ZBTB20: variants seen among roughly 807,000 people sequenced by gnomAD.
ZBTB20 encodes the protein zinc finger and BTB domain containing 20, also known as zinc finger and BTB domain-containing protein 20.
A neutral mutation model predicts 56.9 loss-of-function variants in ZBTB20; 9 were observed. That is an observed-to-expected ratio of 0.16 (90% CI 0.10 to 0.28). The LOEUF is 0.28. Among genes scored for constraint, ZBTB20 ranks in the 10% least tolerant of loss-of-function variants. The probability of loss-of-function intolerance (pLI) is 1.00; values close to 1 mark genes in which losing one functional copy is unlikely to be tolerated. For missense variants in ZBTB20, 655 were observed against 1,003.0 expected, an observed-to-expected ratio of 0.65 and a Z score of 4.69; for synonymous variants, 417 against 420.7, an observed-to-expected ratio of 0.99 and a Z score of 0.11.
chr3:115,112,763 T>TG (rs1576796685), intron 1 of ZBTB20, among the ~76,000 whole-genome samples: 1 of 152,202 alleles, frequency 6.6e-6, no homozygotes, highest in East Asian at 1.9e-4. Flanking sequence ...GCAATAAACA[T>TG]GGGAGTGCGG....
intron 6 of ZBTB20, among the ~76,000 whole-genome samples, chr3:114,623,372 G>A (rs1023796955): frequency 7.9e-5 from 12 of 152,056 alleles, no homozygotes; most frequent in African/African-American, 2.9e-4. Flanking sequence ...TTAAATTGAG[G>A]ACAATACTAT....
intron 6 of ZBTB20, among the ~76,000 whole-genome samples, 180 bp downstream of exon 6, chr3:114,693,348 G>A (rs2062809394): frequency 1.3e-5 from 2 of 152,210 alleles, no homozygotes; most frequent in South Asian, 4.1e-4. Context: ...GGATATTAAA[G>A]ATCTGTCCTT....
rs138163394 is a variant in ZBTB20 at position 115,125,033 on chromosome 3, TA to T, written c.-703+22185del. 1.8e-4 allele frequency among the ~76,000 whole-genome samples: 27 copies of T among 147,984 alleles called. 1 individual carries two copies. Among genetic ancestry groups the T allele is most frequent in the African/African-American group, 5.7e-4 (23 of 40,328 alleles). ...GTACCCCTGAACTTAAAGTTTTTTT[TA>T]AAAAAAAAAGGAAAATGTGATATAC... is the stretch of plus-strand genomic sequence containing the variant. On this transcript the variant is annotated intron_variant, in intron 1 of 11. Transcript: ENST00000675478.
intron 6 of ZBTB20, among the ~76,000 whole-genome samples, chr3:114,558,399 C>T (rs1320756143): frequency 6.6e-6 from 1 of 152,030 alleles, no homozygotes; most frequent in Non-Finnish European, 1.5e-5. Context: ...CTGGACTGTA[C>T]TCACAATTCC....
chr3:114,447,301 A>G lies in ZBTB20; in HGVS notation c.-255+53051T>C, dbSNP rs150023523. ...GATGAAACAACTGCATTACAGTATTAAGATGCTTTTGTAGAATTAAATGAA... is the reference window on the plus strand; with the variant it reads ...GATGAAACAACTGCATTACAGTATTGAGATGCTTTTGTAGAATTAAATGAA... On this transcript the variant is annotated intron_variant, in intron 7 of 11. Coordinates refer to ENST00000675478, the MANE Select transcript of ZBTB20 (RefSeq NM_001348800.3). Among the ~76,000 whole-genome samples the G allele has an allele frequency of 4.3e-3, 650 of 152,318 alleles. 22 individuals carry two copies. Among genetic ancestry groups the G allele is most frequent in the Admixed American group, 0.027 (408 of 15,292 alleles).
At chr3:114,838,899 T>C (rs963693179) in intron 4 of ZBTB20, among the ~76,000 whole-genome samples, 4 of 152,124 alleles carry the variant, frequency 2.6e-5, no homozygotes, top group African/African-American at 9.7e-5. Flanking sequence ...TTACTGATGT[T>C]TCCATTTACA....
chr3:114,732,885 G>A (rs1160715579), intron 5 of ZBTB20, among the ~76,000 whole-genome samples: 1 of 152,092 alleles, frequency 6.6e-6, no homozygotes, highest in Non-Finnish European at 1.5e-5. Flanking sequence ...TTTAAGAAGG[G>A]CTAGAGATCA....
intron 6 of ZBTB20, among the ~76,000 whole-genome samples, chr3:114,517,129 A>G (rs2046094682): frequency 6.6e-6 from 1 of 152,198 alleles, no homozygotes; most frequent in Non-Finnish European, 1.5e-5. Flanking sequence ...TTGTTCACTA[A>G]TAAGTAATCA....
chr3:114,851,314 C>T (rs1434107941), intron 4 of ZBTB20, among the ~76,000 whole-genome samples: 1 of 152,188 alleles, frequency 6.6e-6, no homozygotes, highest in Non-Finnish European at 1.5e-5. Context: ...TAGATACACA[C>T]ACAGGTATAC....
rs67995178 is a variant in ZBTB20, at chr3:115,063,652, AACACAC to A, written c.-507+7561_-507+7566del. On this transcript the variant is annotated intron_variant, in intron 2 of 11. Coordinates refer to ENST00000675478, the MANE Select transcript of ZBTB20 (RefSeq NM_001348800.3). ...TATCATTTCTCATTATTGTCAAAGC[AACACAC>A]ACACACACACACACACACACACACA... Among the ~76,000 whole-genome samples, 636 of 149,582 alleles carry A rather than the reference AACACAC, an allele frequency of 4.3e-3. 3 individuals carry two copies. Among genetic ancestry groups the A allele is most frequent in the South Asian group, 0.015 (71 of 4,714 alleles).
intron 5 of ZBTB20, among the ~76,000 whole-genome samples, chr3:114,729,897 G>A (rs1000989302): frequency 6.6e-6 from 1 of 151,238 alleles, no homozygotes; most frequent in African/African-American, 2.4e-5. Flanking sequence ...TCAAACTCCT[G>A]GGCTCAAACA....
chr3:114,370,740 C>T (rs970206957), intron 10 of ZBTB20, among the ~76,000 whole-genome samples: 2 of 152,162 alleles, frequency 1.3e-5, no homozygotes, highest in African/African-American at 4.8e-5. Context: ...CTGCTGTGCC[C>T]CAGGACCCTG....
chr3:114,711,546 C>T (rs1261221408), intron 5 of ZBTB20, among the ~76,000 whole-genome samples: 1 of 152,154 alleles, frequency 6.6e-6, no homozygotes, highest in Non-Finnish European at 1.5e-5. Flanking sequence ...TAATAAACTT[C>T]TTGGGAGGAG....
chr3:114,413,127 T>C (rs1177140963), intron 7 of ZBTB20, among the ~76,000 whole-genome samples: 1 of 152,016 alleles, frequency 6.6e-6, no homozygotes, highest in Non-Finnish European at 1.5e-5. Flanking sequence ...ATAAAAAGAA[T>C]AGGAGAACGT....
intron 7 of ZBTB20, among the ~76,000 whole-genome samples, chr3:114,389,391 G>A (rs1423737640): frequency 1.3e-5 from 2 of 152,106 alleles, no homozygotes; most frequent in Non-Finnish European, 2.9e-5. Context: ...TAGAAGCTGA[G>A]TTGTGGGTGA....
chr3:115,139,745 T>G (rs2084758216), intron 1 of ZBTB20, among the ~76,000 whole-genome samples: 1 of 152,092 alleles, frequency 6.6e-6, no homozygotes, highest in African/African-American at 2.4e-5. Flanking sequence ...TGTTGTTACC[T>G]GCATCCTCAA....
chr3:114,365,439 G>A, intron 10 of ZBTB20, among the ~76,000 whole-genome samples: 1 of 152,266 alleles, frequency 6.6e-6, no homozygotes, highest in South Asian at 2.1e-4. Context: ...TTGTTTCCCT[G>A]GGCCAGCTCT....
chr3:115,078,214 A>G (rs950502517), intron 1 of ZBTB20, among the ~76,000 whole-genome samples: 2 of 152,216 alleles, frequency 1.3e-5, no homozygotes, highest in African/African-American at 4.8e-5. Context: ...TGTATATCTC[A>G]CACTATCTAG....
At chr3:114,495,884 A>C (rs1287196696) in intron 7 of ZBTB20, among the ~76,000 whole-genome samples, 3 of 152,266 alleles carry the variant, frequency 2.0e-5, no homozygotes, top group Non-Finnish European at 4.4e-5. Context: ...ACTTTATAAA[A>C]TAGGCAAAGC....
Sources: gnomAD v4.1 joint callset for allele counts (sites outside exome capture counted in the v4.1 genomes callset) on GRCh38, gnomAD v4.1.1 for gene constraint, MANE v1.5 for transcripts, NCBI Gene and HGNC (gene_info 2026-07-23, HGNC 2026-07-21) for gene names.